Variants in CAPN8 observed in about 807,000 individuals in gnomAD.
CAPN8 encodes the protein calpain 8.
CAPN8 carries 87 observed loss-of-function variants against 80.9 expected under a neutral mutation model. The observed-to-expected ratio is 1.07, with a 90% CI of 0.90 to 1.28. The LOEUF (loss-of-function observed/expected upper bound fraction) is 1.28, where lower values mean the gene tolerates loss of function less well. CAPN8 is among the 50% of genes most tolerant of loss of function. CAPN8 has a pLI of 0.00. For missense variants in CAPN8, 757 were observed against 702.0 expected (o/e 1.08, Z -0.89); for synonymous variants, 299 against 273.8 (o/e 1.09, Z -0.91).
chr1:223,632,283 A>T (rs1258037554), intron 2 of CAPN8, among the ~76,000 whole-genome samples: 1 of 152,252 alleles, frequency 6.6e-6, no homozygotes, highest in Admixed American at 6.5e-5. Context: ...GTCCTCTGGA[A>T]GATGGACATT....
chr1:223,637,076 G>A (rs1657911723), intron 2 of CAPN8, among the ~76,000 whole-genome samples: 3 of 152,198 alleles, frequency 2.0e-5, no homozygotes, highest in African/African-American at 7.2e-5. Context: ...CCTCTCTGAA[G>A]ACTTCGCGTA....
intron 11 of CAPN8, among the ~76,000 whole-genome samples, chr1:223,610,723 A>G (rs545763072): frequency 3.3e-5 from 5 of 152,278 alleles, no homozygotes; most frequent in African/African-American, 1.2e-4. Flanking sequence ...ACTCTGTCCT[A>G]CTAGGGACCC....
chr1:223,541,621 G>T lies in CAPN8; in HGVS notation c.*215C>A. The stretch of plus-strand genomic sequence containing the variant: ...CGAGAGAAAGGTGGAAACCATTCTG[G>T]CTCACAACTTTAATTGATTGCTTTC... On this transcript the variant is annotated 3_prime_UTR_variant, in exon 21 of 21. Transcript: ENST00000366872. 1.5e-6 allele frequency: 1 copy of T among 650,604 alleles called. No individual in the cohort carries two copies. Among genetic ancestry groups the T allele is most frequent in the South Asian group, 1.9e-5 (1 of 53,168 alleles). 40.3% of individuals were successfully genotyped at this position (650,604 alleles called of 1,614,324 possible).
intron 5 of CAPN8, among the ~76,000 whole-genome samples, chr1:223,626,467 G>T (rs139465071): frequency 1.3e-5 from 2 of 152,186 alleles, no homozygotes; most frequent in Non-Finnish European, 2.9e-5. Flanking sequence ...AGGAGCCCGA[G>T]GTGGTGACAG....
intron 7 of CAPN8, among the ~76,000 whole-genome samples, chr1:223,622,319 C>G (rs1657422706): frequency 6.6e-6 from 1 of 152,208 alleles, no homozygotes; most frequent in Non-Finnish European, 1.5e-5. Flanking sequence ...AGTCAGTGAT[C>G]AAACGTGCCT....
Position 223,556,732 on chromosome 1 carries a change from T to C in CAPN8, c.1572+1399A>G, listed in dbSNP as rs1259531509. 2.8e-4 allele frequency among the ~76,000 whole-genome samples: 42 copies of C among 152,212 alleles called. 1 individual carries two copies. The highest frequency in any genetic ancestry group is 2.9e-5 in the Non-Finnish European group (2 of 68,008). On this transcript the variant is annotated intron_variant, in intron 13 of 20. Coordinates refer to ENST00000366872, the MANE Select transcript of CAPN8 (RefSeq NM_001143962.2). ...AAGAGGGGCTTAGGATCAGTATAAG[T>C]TGATTTAGCAGAACCCTGCCCTTCC...
At chr1:223,655,527 T>G (rs1658463689) in intron 1 of CAPN8, among the ~76,000 whole-genome samples, 1 of 152,044 alleles carries the variant, frequency 6.6e-6, no homozygotes, top group Non-Finnish European at 1.5e-5. Flanking sequence ...AGAAAAGAAA[T>G]AAACCACGTA....
chr1:223,618,599 T>C (rs983404649), intron 9 of CAPN8, among the ~76,000 whole-genome samples: 3 of 152,220 alleles, frequency 2.0e-5, no homozygotes, highest in African/African-American at 7.2e-5. Context: ...GCAGGGTGAC[T>C]GCTAGCCAGC....
At position 223,609,179 on chromosome 1, in the gene CAPN8, C is replaced by G; in HGVS notation, c.1509G>C (p.Val503=). The change falls in exon 12 of 21, where the codon GTG becomes GTC. Residue 503 remains valine (V), a synonymous_variant. Coordinates refer to ENST00000366872, the MANE Select transcript of CAPN8 (RefSeq NM_001143962.2). ...PFKDGEFCLR[V]FSEKKAQALE... The stretch of plus-strand genomic sequence containing the variant: ...GGGCCTGGGCCTTCTTCTCTGAGAA[C>G]ACTCTCAAGCAGAACTCGCCGTCTT... 2.5e-6 allele frequency: 1 copy of G among 398,322 alleles called. No individual in the cohort carries two copies. The highest frequency in any genetic ancestry group is 4.4e-6 in the Non-Finnish European group (1 of 226,040). The allele number at this position is 398,322 out of a possible 1,614,324, so 24.7% of individuals were successfully genotyped here.
In CAPN8 at chr1:223,546,885, GGTTGTTGTTGTT is replaced by G. The variant is rs66949236; in HGVS notation, c.1765-1598_1765-1587del. On this transcript the variant is annotated intron_variant, in intron 16 of 20. Transcript: ENST00000366872. The stretch of plus-strand genomic sequence containing the variant: ...AATCAGGGGTTTTTGTTTGTTTTGT[GGTTGTTGTTGTT>G]GTTGTTGTTGTTGTTGTTGTTGTTG... Among the ~76,000 whole-genome samples, 1,139 of 150,010 alleles carry G rather than the reference GGTTGTTGTTGTT, an allele frequency of 7.6e-3. 13 individuals are homozygous for G. Among genetic ancestry groups the G allele is most frequent in the East Asian group, 0.023 (118 of 5,078 alleles).
intron 2 of CAPN8, among the ~76,000 whole-genome samples, chr1:223,650,528 C>T (rs545251721): frequency 4.5e-4 from 68 of 152,308 alleles, no homozygotes; most frequent in Non-Finnish European, 7.4e-4. Flanking sequence ...GAGGGAAAGT[C>T]TGGAATCATT....
At chr1:223,553,501 A>T (rs979038785) in intron 14 of CAPN8, among the ~76,000 whole-genome samples, 4 of 152,160 alleles carry the variant, frequency 2.6e-5, no homozygotes, top group African/African-American at 9.7e-5. Flanking sequence ...AGGTTTTGCC[A>T]TCCCAGCTTT....
intron 2 of CAPN8, among the ~76,000 whole-genome samples, chr1:223,633,390 C>A (rs1657827769): frequency 7.3e-6 from 1 of 136,986 alleles, no homozygotes; most frequent in Non-Finnish European, 1.6e-5. Flanking sequence ...AACAAATGCT[C>A]TCTTAAAAAA....
At chr1:223,652,974 C>G (rs1658381229) in intron 2 of CAPN8, among the ~76,000 whole-genome samples, 1 of 151,928 alleles carries the variant, frequency 6.6e-6, no homozygotes, top group Admixed American at 6.6e-5. Flanking sequence ...AAAGAAAAAT[C>G]CATCCAAGCC....
intron 1 of CAPN8, among the ~76,000 whole-genome samples, chr1:223,656,244 G>A (rs1361332536): frequency 1.3e-5 from 2 of 151,936 alleles, no homozygotes; most frequent in East Asian, 3.9e-4. Flanking sequence ...TGAGGTGGGC[G>A]GATCACCTGA....
chr1:223,628,060 G>A lies in CAPN8; in HGVS notation c.509C>T (p.Ser170Leu), dbSNP rs567744905. Residue 170 changes from serine (S) to leucine (L), a missense_variant, in exon 4 of 21, where the codon TCG becomes TTG. Ser to Leu is a moderately radical substitution (Grantham distance 145). Transcript: ENST00000366872. ...TKNGQLLFLHSEQGNEFWSAL... is the reference protein window; with the variant it reads ...TKNGQLLFLHLEQGNEFWSAL... Reference sequence around the variant, plus strand: ...ACTCCAGAATTCATTGCCTTGTTCCGAGTGTAGGAAGAGCAGCTGTCCATT... The same window carrying A: ...ACTCCAGAATTCATTGCCTTGTTCCAAGTGTAGGAAGAGCAGCTGTCCATT... The A allele has an allele frequency of 8.8e-5, 137 of 1,551,366 alleles. No homozygotes were observed. The South Asian group carries it at 1.2e-3, about 14-fold the overall frequency.
intron 7 of CAPN8, among the ~76,000 whole-genome samples, chr1:223,622,222 T>A (rs181686788): frequency 6.6e-6 from 1 of 152,290 alleles, no homozygotes; most frequent in East Asian, 1.9e-4. Flanking sequence ...GGGACATGGA[T>A]TCCAGGGCCC....
At chr1:223,642,890 C>T (rs1658081145) in intron 2 of CAPN8, 1 of 450,348 alleles carries the variant, frequency 2.2e-6, no homozygotes. Context: ...GGACTTTCTG[C>T]CTCACCTCCA....
In CAPN8 at chr1:223,649,097, T is replaced by C. The variant is rs73127609; in HGVS notation, c.307+5233A>G. ...TCCTCATTTAGGAAAGAAGAAAGTA[T>C]CTTGCTCCCCATTCCTGAAAGCAGC... On this transcript the variant is annotated intron_variant, in intron 2 of 20. Transcript: ENST00000366872. Among the ~76,000 whole-genome samples the C allele has an allele frequency of 5.0e-3, 762 of 152,366 alleles. 10 individuals are homozygous for C. The highest frequency in any genetic ancestry group is 0.017 in the African/African-American group (689 of 41,572).
Sources: gnomAD v4.1 joint callset for allele counts (sites outside exome capture counted in the v4.1 genomes callset) on GRCh38, gnomAD v4.1.1 for gene constraint, MANE v1.5 for transcripts, NCBI Gene and HGNC (gene_info 2026-07-23, HGNC 2026-07-21) for gene names.